Variants in HS3ST4 observed in about 807,000 individuals in gnomAD.
The protein encoded by HS3ST4 is heparan sulfate glucosamine 3-O-sulfotransferase 4.
Under a neutral mutation model 29.2 loss-of-function variants are expected in HS3ST4, and 17 were observed. The ratio of observed to expected loss-of-function variants is 0.58; its 90% CI spans 0.40 to 0.87. The LOEUF (loss-of-function observed/expected upper bound fraction) is 0.87. Among genes scored for constraint, HS3ST4 ranks in the 40% least tolerant of loss-of-function variants. HS3ST4 has a pLI of 0.00. For missense variants in HS3ST4, 627 were observed against 634.5 expected (o/e 0.99, Z 0.13); for synonymous variants, 314 against 285.7 (o/e 1.10, Z -1.00).
At chr16:25,747,396 C>T (rs908569826) in intron 1 of HS3ST4, among the ~76,000 whole-genome samples, 8 of 152,296 alleles carry the variant, frequency 5.3e-5, no homozygotes, top group African/African-American at 1.7e-4. Flanking sequence ...GCTTTTGCTA[C>T]CAAACCAAAT....
At chr16:25,742,387 C>T (rs1966660540) in intron 1 of HS3ST4, among the ~76,000 whole-genome samples, 4 of 152,186 alleles carry the variant, frequency 2.6e-5, no homozygotes, top group Admixed American at 1.3e-4. Flanking sequence ...CCACTTAGGT[C>T]ATCTATTCAC....
intron 1 of HS3ST4, among the ~76,000 whole-genome samples, chr16:25,935,320 A>G (rs1418713610): frequency 1.3e-5 from 2 of 152,124 alleles, no homozygotes; most frequent in Non-Finnish European, 2.9e-5. Flanking sequence ...TTAACTCATC[A>G]TTATCATCCA....
At chr16:25,949,862 A>C (rs897329269) in intron 1 of HS3ST4, among the ~76,000 whole-genome samples, 6 of 152,134 alleles carry the variant, frequency 3.9e-5, no homozygotes, top group Admixed American at 2.0e-4. Flanking sequence ...TAAATGGGTC[A>C]AGGACAGAGC....
At chr16:25,843,342 G>T (rs1034221651) in intron 1 of HS3ST4, among the ~76,000 whole-genome samples, 2 of 152,136 alleles carry the variant, frequency 1.3e-5, no homozygotes, top group Non-Finnish European at 2.9e-5. Flanking sequence ...CAGCATGATG[G>T]TCTCAGGGAC....
At chr16:26,134,943 A>G (rs1487495360) in intron 1 of HS3ST4, among the ~76,000 whole-genome samples, 1 of 152,224 alleles carries the variant, frequency 6.6e-6, no homozygotes, top group African/African-American at 2.4e-5. Context: ...GTTCCAATGG[A>G]AGTTTATTTA....
intron 1 of HS3ST4, among the ~76,000 whole-genome samples, chr16:25,873,484 A>ATCTC (rs1250425716): frequency 9.8e-6 from 1 of 102,538 alleles, no homozygotes; most frequent in Non-Finnish European, 2.1e-5. Context: ...CTATCTCTCT[A>ATCTC]TCTATCTATC....
At chr16:25,860,499 T>C (rs887251216) in intron 1 of HS3ST4, among the ~76,000 whole-genome samples, 4 of 152,046 alleles carry the variant, frequency 2.6e-5, no homozygotes, top group African/African-American at 9.7e-5. Flanking sequence ...TATGGATACA[T>C]AAACTGTGGT....
intron 1 of HS3ST4, among the ~76,000 whole-genome samples, chr16:25,873,496 A>G (rs146652705): frequency 0.073 from 10,155 of 138,346 alleles, 471 homozygotes; most frequent in African/African-American, 0.082. Context: ...CTATCTATCT[A>G]TCTATCTATC....
At chr16:26,004,118 C>T (rs1342071395) in intron 1 of HS3ST4, among the ~76,000 whole-genome samples, 3 of 152,040 alleles carry the variant, frequency 2.0e-5, no homozygotes, top group African/African-American at 4.8e-5. Context: ...GATAAATGCA[C>T]GTGTTCATGC....
At chr16:25,713,463 G>T (rs1966430652) in intron 1 of HS3ST4, among the ~76,000 whole-genome samples, 1 of 152,122 alleles carries the variant, frequency 6.6e-6, no homozygotes, top group South Asian at 2.1e-4. Flanking sequence ...GGGATGTCAA[G>T]GCTGCAGTGA....
chr16:25,879,725 G>T (rs1162954048), intron 1 of HS3ST4, among the ~76,000 whole-genome samples: 1 of 152,132 alleles, frequency 6.6e-6, no homozygotes, highest in Non-Finnish European at 1.5e-5. Flanking sequence ...GTCTAAGGGT[G>T]ATGTATTAGT....
intron 1 of HS3ST4, among the ~76,000 whole-genome samples, chr16:26,024,092 C>A (rs1227916711): frequency 1.3e-5 from 2 of 151,902 alleles, no homozygotes; most frequent in Non-Finnish European, 2.9e-5. Flanking sequence ...GATGTGGTGG[C>A]ACATGCCTGT....
At chr16:26,049,358 CGGA>C (rs1567301701) in intron 1 of HS3ST4, among the ~76,000 whole-genome samples, 1 of 150,336 alleles carries the variant, frequency 6.7e-6, no homozygotes, top group East Asian at 2.0e-4. Flanking sequence ...GGTCTACATC[CGGA>C]GGTCTACATC....
intron 1 of HS3ST4, among the ~76,000 whole-genome samples, chr16:25,716,246 G>T (rs1431884746): frequency 6.6e-6 from 1 of 152,184 alleles, no homozygotes; most frequent in African/African-American, 2.4e-5. Flanking sequence ...TCTTTTCGCT[G>T]TCTTGCTGAG....
At chr16:26,050,767 G>A (rs78234428) in intron 1 of HS3ST4, among the ~76,000 whole-genome samples, 15,506 of 152,160 alleles carry the variant, frequency 0.1, 873 homozygotes, top group East Asian at 0.21. Flanking sequence ...GGTGTATGAA[G>A]GCACTGCCAG....
At position 25,692,606 on chromosome 16, in the gene HS3ST4, G is replaced by T; in HGVS notation, c.189G>T (p.Leu63=). The part of the protein sequence containing the change: ...LGGSGSLQFP[L]ALQESPGAAA... Reference sequence around the variant, plus strand: ...GCTCGGGCTCCCTGCAATTCCCTCTGGCGCTGCAGGAGTCGCCGGGCGCCG... The same window carrying T: ...GCTCGGGCTCCCTGCAATTCCCTCTTGCGCTGCAGGAGTCGCCGGGCGCCG... The change falls in exon 1 of 2, where the codon CTG becomes CTT. Residue 63 remains leucine (L), a synonymous_variant. Transcript: ENST00000331351. The T allele has an allele frequency of 7.2e-7, 1 of 1,392,082 alleles. No homozygotes were observed. Among genetic ancestry groups the T allele is most frequent in the Non-Finnish European group, 9.4e-7 (1 of 1,062,260 alleles). The allele number at this position is 1,392,082 out of a possible 1,614,324, so 86.2% of individuals were successfully genotyped here.
intron 1 of HS3ST4, among the ~76,000 whole-genome samples, chr16:25,815,899 A>G (rs1310110314): frequency 6.6e-6 from 1 of 152,178 alleles, no homozygotes; most frequent in East Asian, 1.9e-4. Context: ...TTCAATATCC[A>G]TTTGGCCCAA....
intron 1 of HS3ST4, among the ~76,000 whole-genome samples, chr16:25,774,327 C>T (rs1416134572): frequency 6.6e-6 from 1 of 152,196 alleles, no homozygotes. Flanking sequence ...GGTTCAAGAC[C>T]TTCTGAGATA....
In HS3ST4 at chr16:25,871,863, T is replaced by G. The variant is rs138601973; in HGVS notation, c.734+178712T>G. Reference sequence around the variant, plus strand: ...AATGCCATTTTCTACTGAAAACTCTTCACCGGCAACATGAAGACAAGATGA... The same window carrying G: ...AATGCCATTTTCTACTGAAAACTCTGCACCGGCAACATGAAGACAAGATGA... On this transcript the variant is annotated intron_variant, in intron 1 of 1. Transcript: ENST00000331351. Among the ~76,000 whole-genome samples, 393 of 152,266 alleles carry G rather than the reference T, an allele frequency of 2.6e-3. 3 individuals carry two copies. Among genetic ancestry groups the G allele is most frequent in the Non-Finnish European group, 3.2e-3 (216 of 68,020 alleles).
Sources: allele counts gnomAD v4.1 joint callset (sites outside exome capture counted in the v4.1 genomes callset), GRCh38; gene constraint gnomAD v4.1.1; transcripts MANE v1.5; gene names NCBI Gene and HGNC (gene_info 2026-07-23, HGNC 2026-07-21).